The following FBXO43 variants were observed in gnomAD, a reference collection of about 807,000 sequenced individuals.
FBXO43 encodes F-box protein 43.
FBXO43 carries 22 observed loss-of-function variants against 56.7 expected under a neutral mutation model. The ratio of observed to expected loss-of-function variants is 0.39; its 90% CI spans 0.28 to 0.55. The LOEUF (loss-of-function observed/expected upper bound fraction) is 0.55, where lower values mean the gene tolerates loss of function less well. FBXO43 is among the 20% of genes least tolerant of loss of function. The pLI is 0.66. For missense variants in FBXO43, 733 were observed against 814.9 expected (o/e 0.90, Z 1.22); for synonymous variants, 306 against 294.5 (o/e 1.04, Z -0.40).
chr8:100,149,392 C>T (rs1043808591), upstream of FBXO43, among the ~76,000 whole-genome samples: 1 of 152,222 alleles, frequency 6.6e-6, no homozygotes, highest in Non-Finnish European at 1.5e-5. Flanking sequence ...ACTCTGTCAT[C>T]TTTCGCTTAG....
intron 2 of FBXO43, among the ~76,000 whole-genome samples, chr8:100,139,279 G>A (rs1288253564): frequency 6.6e-6 from 1 of 151,828 alleles, no homozygotes; most frequent in Non-Finnish European, 1.5e-5. Context: ...GAAGGGCTTC[G>A]ATAGAAGTAG....
rs762991016 is a variant in FBXO43, at chr8:100,141,721, C to A, written c.533G>T (p.Ser178Ile). 6.2e-7 allele frequency: 1 copy of A among 1,604,186 alleles called. No homozygotes were observed. Among genetic ancestry groups the A allele is most frequent in the South Asian group, 1.1e-5 (1 of 89,510 alleles). The change falls in exon 2 of 5, where the codon AGT becomes ATT. Residue 178 changes from serine to isoleucine, a missense_variant. Transcript: ENST00000428847. ...TAAGTTGATAACTTGGCTTATACTA[C>A]TTTCTAAAGAACTATTTTGTGATTC... ...DFESQNSSLE[S>I]SISQVINLEK...
Position 100,137,577 on chromosome 8 carries a change from T to C in FBXO43, c.1662A>G (p.Lys554=), listed in dbSNP as rs1382035041. ...TTACATACATTACCTCAGAATCTGT[T>C]TTCAGTTGTGTGATATAAAATTTCC... is the stretch of plus-strand genomic sequence containing the variant. ...RRRKFYITQL[K]TDSEGAVLNV... is the part of the protein sequence containing the mutation. The change falls in exon 3 of 5, where the codon AAA becomes AAG. Residue 554 remains lysine (K), a synonymous_variant. Transcript: ENST00000428847. 1 of 1,606,730 alleles carries C rather than the reference T, an allele frequency of 6.2e-7. No individual in the cohort carries two copies. The highest frequency in any genetic ancestry group is 8.5e-7 in the Non-Finnish European group (1 of 1,174,182).
At position 100,145,806 on chromosome 8, in the gene FBXO43, C is replaced by T. The variant is rs922582979; in HGVS notation, c.-671G>A. On this transcript the variant is annotated 5_prime_UTR_variant, in exon 1 of 5. Transcript: ENST00000428847. ...CTTCGCGTGGGGCCGCTGCCTTTAC[C>T]TCCTTAGGTTTGAACGGCCCGCCCG... The T allele has an allele frequency of 1.2e-4, 19 of 152,442 alleles. No homozygotes were observed. The highest frequency in any genetic ancestry group is 4.3e-4 in the African/African-American group (18 of 41,454). 9.4% of individuals were successfully genotyped at this position (152,442 alleles called of 1,614,324 possible).
chr8:100,142,126 G>C lies in FBXO43; in HGVS notation c.128C>G (p.Ala43Gly). ...CGCCCCATTTCCTGCTTCAGTGCCA[G>C]CTTGACCTGAGTGCCTTTGCGACAT... ...LKMSQRHSGQAGTEAGNGADS... is the reference protein window; with the variant it reads ...LKMSQRHSGQGGTEAGNGADS... The change falls in exon 2 of 5, where the codon GCT becomes GGT. Residue 43 changes from alanine (A) to glycine (G), a missense_variant. By Grantham distance (60) the Ala-to-Gly change is moderately conservative (BLOSUM62 0). Transcript: ENST00000428847. The C allele has an allele frequency of 1.9e-6, 3 of 1,593,986 alleles. No individual in the cohort carries two copies. Among genetic ancestry groups the C allele is most frequent in the Non-Finnish European group, 2.6e-6 (3 of 1,172,984 alleles).
At position 100,133,950 on chromosome 8, in the gene FBXO43, C is replaced by T. The variant is rs370561864; in HGVS notation, c.1979G>A (p.Arg660Gln). Reference sequence around the variant, plus strand: ...ACAAAAGTCAAAACCACAGGCTGTTCGGCTACACAGTCCCCTTTTCTTATA... The same window carrying T: ...ACAAAAGTCAAAACCACAGGCTGTTTGGCTACACAGTCCCCTTTTCTTATA... ...QPYKKRGLCS[R>Q]TACGFDFCVL... Residue 660 changes from arginine to glutamine, a missense_variant, in exon 5 of 5, where the codon CGA becomes CAA. Physicochemically the swap from Arg to Gln is conservative, Grantham distance 43. Transcript: ENST00000428847. The T allele has an allele frequency of 2.1e-5, 34 of 1,614,020 alleles. No homozygotes were observed. Among genetic ancestry groups the T allele is most frequent in the East Asian group, 2.0e-4 (9 of 44,898 alleles).
chr8:100,144,810 T>TA (rs1266522449), intron 1 of FBXO43, among the ~76,000 whole-genome samples: 2 of 151,264 alleles, frequency 1.3e-5, no homozygotes, highest in East Asian at 3.9e-4. Context: ...CGGGCGCCTG[T>TA]AGTCCCAGCT....
In FBXO43 at chr8:100,140,871, A is replaced by G; in HGVS notation, c.1383T>C (p.Asn461=). ...MKSKRKRLQE[N]SGHEFLEQGD... Reference sequence around the variant, plus strand: ...CTTGCTCTAAGAATTCATGTCCACTATTTTCCTGTAATCTTTTCCTCTTGC... The same window carrying G: ...CTTGCTCTAAGAATTCATGTCCACTGTTTTCCTGTAATCTTTTCCTCTTGC... The change falls in exon 2 of 5, where the codon AAT becomes AAC. Residue 461 remains asparagine (N), a synonymous_variant. Transcript: ENST00000428847. 3 of 1,614,044 alleles carry G rather than the reference A, an allele frequency of 1.9e-6. No homozygotes were observed. The highest frequency in any genetic ancestry group is 1.7e-6 in the Non-Finnish European group (2 of 1,180,018).
chr8:100,142,187 G>A lies in FBXO43; in HGVS notation c.86-19C>T, dbSNP rs1312905919. The A allele has an allele frequency of 1.3e-6, 2 of 1,518,070 alleles. No homozygotes were observed. Among genetic ancestry groups the A allele is most frequent in the Non-Finnish European group, 1.8e-6 (2 of 1,135,954 alleles). 94.0% of individuals were successfully genotyped at this position (1,518,070 alleles called of 1,614,324 possible). A position where few individuals can be genotyped will look rare whatever the true frequency, so the allele number is the denominator to read the frequency against. On this transcript the variant is annotated intron_variant, in intron 1 of 4. Transcript: ENST00000428847. Reference sequence around the variant, plus strand: ...TCTGTTTCTGCAAAGTGACAACAAAGTTATTCTGCCTTTGAAATGAGTATC... The same window carrying A: ...TCTGTTTCTGCAAAGTGACAACAAAATTATTCTGCCTTTGAAATGAGTATC...
chr8:100,146,677 C>T (rs1424333762), upstream of FBXO43, among the ~76,000 whole-genome samples: 1 of 152,186 alleles, frequency 6.6e-6, no homozygotes, highest in African/African-American at 2.4e-5. Context: ...TTGGCCTACT[C>T]CCTAAATGAG....
rs753741159 is a variant in FBXO43 at position 100,141,177 on chromosome 8, C to T, written c.1077G>A (p.Leu359=). The change falls in exon 2 of 5, where the codon CTG becomes CTA. Residue 359 remains leucine (L), a synonymous_variant. Coordinates refer to ENST00000428847, the MANE Select transcript of FBXO43 (RefSeq NM_001029860.4). ...SDQEGSFQEL[L]QKHKGTPKVG... ...CTTTGGGAGTCCCCTTATGTTTCTG[C>T]AGTAGTTCTTGAAAAGAACCCTCCT... The T allele has an allele frequency of 6.2e-7, 1 of 1,614,150 alleles. No homozygotes were observed. Among genetic ancestry groups the T allele is most frequent in the Non-Finnish European group, 8.5e-7 (1 of 1,180,034 alleles).
chr8:100,134,621 T>C (rs1276584481), intron 3 of FBXO43, among the ~76,000 whole-genome samples: 1 of 152,084 alleles, frequency 6.6e-6, no homozygotes, highest in Non-Finnish European at 1.5e-5. Context: ...GGCTGGTTAT[T>C]TTTCCATTTA....
chr8:100,147,265 G>GT (rs1814849799), upstream of FBXO43, among the ~76,000 whole-genome samples: 1 of 152,250 alleles, frequency 6.6e-6, no homozygotes, highest in South Asian at 2.1e-4. Context: ...AGCAAGTGCT[G>GT]TAACAGAGGA....
Position 100,145,079 on chromosome 8 carries a change from CAA to C in FBXO43, c.55_56del (p.Leu19AspfsTer3), listed in dbSNP as rs1814786735. ...RISCLEAYVT[L>X]TSKSSRFTDE... is the part of the protein sequence containing the mutation. ...CAGTAAATCTTGAGCTCTTAGATGTCAAAGTTACGTAGGCTTCCAAACAAGAA... is the reference window on the plus strand; with the variant it reads ...CAGTAAATCTTGAGCTCTTAGATGTCAGTTACGTAGGCTTCCAAACAAGAA... On this transcript the variant is annotated frameshift_variant, in exon 1 of 5. Coordinates refer to ENST00000428847, the MANE Select transcript of FBXO43 (RefSeq NM_001029860.4). LOFTEE classifies it high-confidence loss of function. 3 of 1,611,914 alleles carry C rather than the reference CAA, an allele frequency of 1.9e-6. No homozygotes were observed. Among genetic ancestry groups the C allele is most frequent in the African/African-American group, 2.7e-5 (2 of 74,866 alleles).
At chr8:100,136,819 T>C (rs1209592059) in intron 3 of FBXO43, 1 of 152,220 alleles carries the variant, frequency 6.6e-6, no homozygotes, top group Non-Finnish European at 1.5e-5. Context: ...AGTCACCTAT[T>C]TACCTATATC....
intron 2 of FBXO43, among the ~76,000 whole-genome samples, chr8:100,138,506 A>G (rs1325084960): frequency 3.3e-5 from 5 of 152,236 alleles, no homozygotes; most frequent in Admixed American, 2.0e-4. Flanking sequence ...TGGGGAAGAA[A>G]TGAACTACAT....
At chr8:100,136,660 C>T (rs1268857171) in intron 3 of FBXO43, among the ~76,000 whole-genome samples, 6 of 152,204 alleles carry the variant, frequency 3.9e-5, no homozygotes, top group Non-Finnish European at 7.3e-5. Context: ...ATGCTACTTT[C>T]TCTGCTAAAA....
chr8:100,143,180 T>A (rs1814711353), intron 1 of FBXO43, among the ~76,000 whole-genome samples: 1 of 152,144 alleles, frequency 6.6e-6, no homozygotes, highest in South Asian at 2.1e-4. Context: ...AAGAAAAAAA[T>A]TTATTATAGT....
At chr8:100,136,187 C>T (rs1326320202) in intron 3 of FBXO43, among the ~76,000 whole-genome samples, 1 of 152,142 alleles carries the variant, frequency 6.6e-6, no homozygotes, top group Non-Finnish European at 1.5e-5. Flanking sequence ...CAGAAGCAGC[C>T]ATGAGCTCTG....
Sources: gnomAD v4.1 joint callset for allele counts (sites outside exome capture counted in the v4.1 genomes callset) on GRCh38, gnomAD v4.1.1 for gene constraint, MANE v1.5 for transcripts, NCBI Gene and HGNC (gene_info 2026-07-23, HGNC 2026-07-21) for gene names.